CDH8: variants seen among roughly 807,000 people sequenced by gnomAD.
CDH8 encodes cadherin 8.
CDH8 carries 17 observed loss-of-function variants against 68.1 expected under a neutral mutation model. The ratio of observed to expected loss-of-function variants is 0.25; its 90% confidence interval spans 0.17 to 0.37. The LOEUF is 0.37. Ranked by LOEUF, CDH8 falls within the 10% of genes least tolerant of loss-of-function variation. The pLI is 1.00. For missense variants in CDH8, 763 were observed against 999.3 expected (o/e 0.76, Z 3.19); for synonymous variants, 372 against 365.1 (o/e 1.02, Z -0.21).
chr16:62,021,728 G>A (rs1902080232), intron 1 of CDH8, 126 bp from the exon 2 acceptor site: 2 of 430,576 alleles, frequency 4.6e-6, no homozygotes, highest in Non-Finnish European at 7.8e-6. Flanking sequence ...AGTTAAGAAA[G>A]TGGATCTGAA....
chr16:62,032,137 G>A (rs1902341895), intron 1 of CDH8: 1 of 152,148 alleles, frequency 6.6e-6, no homozygotes, highest in African/African-American at 2.4e-5. Context: ...ATTAGATACT[G>A]GAGGGGAATT....
chr16:61,841,329 T>G (rs1225338842), intron 4 of CDH8, among the ~76,000 whole-genome samples: 1 of 152,156 alleles, frequency 6.6e-6, no homozygotes, highest in Non-Finnish European at 1.5e-5. Context: ...CCACCAATAA[T>G]GTACTATTCA....
intron 9 of CDH8, chr16:61,714,279 G>A (rs1964681725): frequency 1.1e-5 from 3 of 275,972 alleles, no homozygotes; most frequent in South Asian, 4.1e-5. Context: ...GAGTATTTAC[G>A]GGCATCTAGA....
At chr16:62,014,468 T>C (rs1901889079) in intron 2 of CDH8, among the ~76,000 whole-genome samples, 1 of 152,122 alleles carries the variant, frequency 6.6e-6, no homozygotes, top group African/African-American at 2.4e-5. Flanking sequence ...GAACTGACAG[T>C]GAATTGTTCC....
At position 61,653,761 on chromosome 16, in the gene CDH8, A is replaced by G; in HGVS notation, c.2247T>C (p.Tyr749=). The G allele has an allele frequency of 6.2e-7, 1 of 1,614,214 alleles. No homozygotes were observed. Among genetic ancestry groups the G allele is most frequent in the Non-Finnish European group, 8.5e-7 (1 of 1,180,036 alleles). The part of the protein sequence containing the change: ...PPYDSIQIYG[Y]EGRGSVAGSL... ...AGCCAGCCACTGACCCTCGGCCTTC[A>G]TAGCCATATATCTGAATGGAGTCAT... Residue 749 remains tyrosine, a synonymous_variant, in exon 12 of 12, where the codon TAT becomes TAC. Transcript: ENST00000577390.
intron 8 of CDH8, among the ~76,000 whole-genome samples, chr16:61,776,968 A>G (rs1960917846): frequency 6.6e-6 from 1 of 152,118 alleles, no homozygotes; most frequent in Non-Finnish European, 1.5e-5. Flanking sequence ...ATTTAAACAC[A>G]TTACCAATTT....
At chr16:61,800,428 C>T (rs1961595116) in intron 7 of CDH8, among the ~76,000 whole-genome samples, 1 of 152,206 alleles carries the variant, frequency 6.6e-6, no homozygotes, top group Non-Finnish European at 1.5e-5. Flanking sequence ...TCACTACAGT[C>T]TACACCCTGT....
chr16:61,875,693 T>C (rs1487579164), intron 3 of CDH8, among the ~76,000 whole-genome samples: 4 of 152,194 alleles, frequency 2.6e-5, no homozygotes, highest in African/African-American at 9.7e-5. Flanking sequence ...TCACAGAAAG[T>C]ACTATGTCAG....
intron 1 of CDH8, among the ~76,000 whole-genome samples, chr16:62,025,427 G>C (rs1902175610): frequency 6.6e-6 from 1 of 152,126 alleles, no homozygotes; most frequent in African/African-American, 2.4e-5. Flanking sequence ...ATACCACAGA[G>C]AGGGTGTGAG....
chr16:61,852,897 T>TCCTTTCTTC (rs149266274), intron 4 of CDH8, among the ~76,000 whole-genome samples: 1 of 121,208 alleles, frequency 8.3e-6, no homozygotes, highest in Admixed American at 8.6e-5. Context: ...TTCCTTCCAT[T>TCCTTTCTTC]CTTCCTTCCT....
At chr16:61,842,296 TA>T (rs1962704670) in intron 4 of CDH8, among the ~76,000 whole-genome samples, 1 of 152,054 alleles carries the variant, frequency 6.6e-6, no homozygotes, top group Non-Finnish European at 1.5e-5. Context: ...TTAGGACATT[TA>T]GGAAGTGATT....
chr16:61,707,277 T>A (rs1024314959), intron 10 of CDH8, among the ~76,000 whole-genome samples: 1 of 152,218 alleles, frequency 6.6e-6, no homozygotes, highest in Non-Finnish European at 1.5e-5. Flanking sequence ...TGTCAGTCAA[T>A]GAATTTTGTA....
At chr16:61,997,378 T>C (rs180916911) in intron 2 of CDH8, among the ~76,000 whole-genome samples, 12 of 152,340 alleles carry the variant, frequency 7.9e-5, no homozygotes, top group Admixed American at 7.8e-4. Context: ...TTAAAGTCTA[T>C]ACACTGACTC....
chr16:62,000,456 G>C (rs989298364), intron 2 of CDH8, among the ~76,000 whole-genome samples: 2 of 152,116 alleles, frequency 1.3e-5, no homozygotes, highest in Non-Finnish European at 2.9e-5. Context: ...CATGGCTTAA[G>C]ACAGCTCATG....
chr16:61,831,295 G>A (rs561440407), intron 4 of CDH8, among the ~76,000 whole-genome samples: 3 of 151,740 alleles, frequency 2.0e-5, no homozygotes, highest in South Asian at 2.1e-4. Context: ...AAGATTAAGG[G>A]GTGAATTCTA....
intron 2 of CDH8, among the ~76,000 whole-genome samples, chr16:61,904,046 A>G (rs1964025150): frequency 6.6e-6 from 1 of 152,146 alleles, no homozygotes; most frequent in African/African-American, 2.4e-5. Context: ...GGGGCCAATG[A>G]TAATCTCAGA....
At chr16:61,982,749 C>T (rs1225716987) in intron 2 of CDH8, among the ~76,000 whole-genome samples, 1 of 152,132 alleles carries the variant, frequency 6.6e-6, no homozygotes, top group Non-Finnish European at 1.5e-5. Context: ...AAGTAATTCT[C>T]AAGTTTCACA....
At chr16:61,777,602 G>A (rs1960933420) in intron 8 of CDH8, among the ~76,000 whole-genome samples, 1 of 152,092 alleles carries the variant, frequency 6.6e-6, no homozygotes, top group Non-Finnish European at 1.5e-5. Flanking sequence ...AGACTGGAAG[G>A]AACAAGGGCA....
At chr16:61,926,740 C>G (rs762966083) in intron 2 of CDH8, among the ~76,000 whole-genome samples, 1 of 152,144 alleles carries the variant, frequency 6.6e-6, no homozygotes, top group Non-Finnish European at 1.5e-5. Context: ...ACATGAGTCT[C>G]TTTAATAGTA....
Sources: gnomAD v4.1 joint callset for allele counts (sites outside exome capture counted in the v4.1 genomes callset) on GRCh38, gnomAD v4.1.1 for gene constraint, MANE v1.5 for transcripts, NCBI Gene and HGNC (gene_info 2026-07-23, HGNC 2026-07-21) for gene names.